Variants in GALNT17 observed in about 807,000 individuals in gnomAD.
GALNT17 encodes the protein polypeptide N-acetylgalactosaminyltransferase 17.
A neutral mutation model predicts 63.7 loss-of-function variants in GALNT17; 29 were observed. The ratio of observed to expected loss-of-function variants is 0.46; its 90% CI spans 0.34 to 0.62. The LOEUF (loss-of-function observed/expected upper bound fraction) is 0.62, where lower values mean the gene tolerates loss of function less well. Ranked by LOEUF, GALNT17 falls within the 20% of genes least tolerant of loss-of-function variation. The pLI is 0.01. For synonymous variants in GALNT17, 305 were observed against 318.3 expected, an observed-to-expected ratio of 0.96 and a Z score of 0.45; for missense variants, 603 against 799.6, an observed-to-expected ratio of 0.75 and a Z score of 2.97.
chr7:71,611,067 T>C (rs776907808), intron 6 of GALNT17, among the ~76,000 whole-genome samples: 6 of 151,984 alleles, frequency 3.9e-5, no homozygotes, highest in Non-Finnish European at 7.4e-5. Context: ...GTCTTCTTTA[T>C]GCTTCACATC....
chr7:71,276,242 G>C (rs1457097252), intron 1 of GALNT17, among the ~76,000 whole-genome samples: 3 of 152,142 alleles, frequency 2.0e-5, no homozygotes, highest in African/African-American at 7.2e-5. Context: ...GCAGGGGTGG[G>C]GGTGGTCCAT....
chr7:71,555,856 A>G (rs1486253664), intron 5 of GALNT17, among the ~76,000 whole-genome samples: 4 of 152,246 alleles, frequency 2.6e-5, no homozygotes, highest in Admixed American at 6.5e-5. Context: ...GAATTTAGCA[A>G]ATGCTTTCTG....
chr7:71,459,540 C>A (rs1342962955), intron 5 of GALNT17, among the ~76,000 whole-genome samples: 1 of 152,228 alleles, frequency 6.6e-6, no homozygotes, highest in Non-Finnish European at 1.5e-5. Context: ...ATAGTCTCAT[C>A]ACATGGGTTT....
chr7:71,641,256 CA>C (rs1277221875), intron 6 of GALNT17, among the ~76,000 whole-genome samples: 3 of 152,098 alleles, frequency 2.0e-5, no homozygotes, highest in African/African-American at 7.2e-5. Flanking sequence ...AGAGGTTAAG[CA>C]GACCCACGTT....
chr7:71,245,624 G>A (rs1790079757), intron 1 of GALNT17, among the ~76,000 whole-genome samples: 1 of 152,172 alleles, frequency 6.6e-6, no homozygotes, highest in Non-Finnish European at 1.5e-5. Context: ...AACGCCCTGT[G>A]GACACTGGGG....
chr7:71,557,727 G>A (rs1465143325), intron 5 of GALNT17, among the ~76,000 whole-genome samples: 1 of 151,888 alleles, frequency 6.6e-6, no homozygotes, highest in African/African-American at 2.4e-5. Context: ...GGAAATGAAA[G>A]TTGCAGTGAA....
At chr7:71,674,776 C>CAAA (rs1482401818) in intron 8 of GALNT17, among the ~76,000 whole-genome samples, 43 of 152,198 alleles carry the variant, frequency 2.8e-4, no homozygotes, top group Admixed American at 2.7e-3. Context: ...CTCAGCCTCC[C>CAAA]AAAGCACTGG....
chr7:71,188,027 A>C (rs972873429), intron 1 of GALNT17, among the ~76,000 whole-genome samples: 6 of 152,196 alleles, frequency 3.9e-5, no homozygotes, highest in African/African-American at 1.2e-4. Context: ...TATAGTCTCC[A>C]ATCCCTTTCA....
intron 9 of GALNT17, among the ~76,000 whole-genome samples, chr7:71,698,872 T>TA (rs1479909626): frequency 2.0e-5 from 3 of 151,912 alleles, no homozygotes; most frequent in Non-Finnish European, 4.4e-5. Flanking sequence ...AAGAGACACA[T>TA]AAAAAACCTC....
chr7:71,314,975 A>T (rs549255197), intron 1 of GALNT17, among the ~76,000 whole-genome samples: 20 of 152,174 alleles, frequency 1.3e-4, no homozygotes, highest in Non-Finnish European at 2.8e-4. Context: ...CCACTGTCTA[A>T]TTCTGGAATA....
chr7:71,265,118 A>ATATATTT (rs1390488895), intron 1 of GALNT17, among the ~76,000 whole-genome samples: 2 of 37,458 alleles, frequency 5.3e-5, no homozygotes, highest in South Asian at 1.2e-3. Flanking sequence ...ATATATATAT[A>ATATATTT]TTTTTTTTTT....
At chr7:71,554,523 C>T (rs1789131046) in intron 5 of GALNT17, among the ~76,000 whole-genome samples, 1 of 152,118 alleles carries the variant, frequency 6.6e-6, no homozygotes, top group Admixed American at 6.5e-5. Flanking sequence ...GCCTGGGGTA[C>T]TCAGGAACTT....
intron 6 of GALNT17, among the ~76,000 whole-genome samples, chr7:71,585,359 ACCCATT>A (rs1789699591): frequency 6.6e-6 from 1 of 152,120 alleles, no homozygotes; most frequent in African/African-American, 2.4e-5. Flanking sequence ...CACTGCCTAC[ACCCATT>A]AATTCATTAG....
chr7:71,259,645 TG>T lies in GALNT17; in HGVS notation c.239-75904del, dbSNP rs1301574220. On this transcript the variant is annotated intron_variant, in intron 1 of 10. Transcript: ENST00000333538. ...GGTCCTGTTTTGTTTTTTGTTTTTT[TG>T]TTTTTTTTTTTTTGAGACGGAGTCT... Among the ~76,000 whole-genome samples the T allele has an allele frequency of 2.5e-3, 360 of 146,288 alleles. 4 individuals are homozygous for T. Among genetic ancestry groups the T allele is most frequent in the African/African-American group, 8.9e-3 (345 of 38,648 alleles).
intron 5 of GALNT17, among the ~76,000 whole-genome samples, chr7:71,486,046 G>A (rs917516038): frequency 3.3e-5 from 5 of 151,988 alleles, no homozygotes; most frequent in African/African-American, 4.8e-5. Context: ...ATATTTCCTC[G>A]GCCAGGCACA....
chr7:71,527,582 T>C (rs1788645696), intron 5 of GALNT17, among the ~76,000 whole-genome samples: 1 of 152,244 alleles, frequency 6.6e-6, no homozygotes, highest in African/African-American at 2.4e-5. Flanking sequence ...AACTTTTAAC[T>C]GTCTTTTCTC....
At chr7:71,409,938 T>C (rs1793400502) in intron 3 of GALNT17, among the ~76,000 whole-genome samples, 1 of 152,162 alleles carries the variant, frequency 6.6e-6, no homozygotes, top group African/African-American at 2.4e-5. Context: ...ATTATCAAGA[T>C]GTGGAAACTG....
chr7:71,436,244 G>C (rs1035655533), intron 5 of GALNT17, among the ~76,000 whole-genome samples: 12 of 152,164 alleles, frequency 7.9e-5, no homozygotes, highest in African/African-American at 2.9e-4. Context: ...AGGAGGCTGA[G>C]ATGAGAGGAT....
Position 71,319,994 on chromosome 7 carries a change from C to T in GALNT17, c.239-15556C>T, listed in dbSNP as rs144533177. On this transcript the variant is annotated intron_variant, in intron 1 of 10. Coordinates refer to ENST00000333538, the MANE Select transcript of GALNT17 (RefSeq NM_022479.3). The stretch of plus-strand genomic sequence containing the variant: ...TGCAAGCTCATTTCAAGTCTCTGCT[C>T]ATGACACATCCCTAGTATTTTGTTG... 1.4e-4 allele frequency among the ~76,000 whole-genome samples: 21 copies of T among 152,282 alleles called. No individual in the cohort carries two copies. In the East Asian group the frequency reaches 3.7e-3, roughly 27 times the overall value.
Sources: gnomAD v4.1 joint callset for allele counts (sites outside exome capture counted in the v4.1 genomes callset) on GRCh38, gnomAD v4.1.1 for gene constraint, MANE v1.5 for transcripts, NCBI Gene and HGNC (gene_info 2026-07-23, HGNC 2026-07-21) for gene names.